Variants in NAT1 observed in about 807,000 individuals in gnomAD.
NAT1 encodes arylamine N-acetyltransferase 1.
For missense variants in NAT1, 400 were observed against 339.2 expected, an observed-to-expected ratio of 1.18 and a Z score of -1.41; for synonymous variants, 144 against 122.6, an observed-to-expected ratio of 1.17 and a Z score of -1.16.
intron 2 of NAT1, among the ~76,000 whole-genome samples, chr8:18,188,559 G>A (rs1381306495): frequency 3.3e-5 from 5 of 151,794 alleles, no homozygotes; most frequent in African/African-American, 1.2e-4. Context: ...TAGGCATGTG[G>A]CATTTGATTA....
At chr8:18,215,253 G>A (rs6990785) in intron 1 of NAT1, among the ~76,000 whole-genome samples, 130,766 of 152,256 alleles carry the variant, frequency 0.86, 56,464 homozygotes, top group African/African-American at 0.93. Context: ...ATTGTGAATA[G>A]TGCCATACAT....
chr8:18,183,457 G>C (rs1044711605), intron 2 of NAT1, among the ~76,000 whole-genome samples: 3 of 152,198 alleles, frequency 2.0e-5, no homozygotes, highest in African/African-American at 7.2e-5. Context: ...CTAAATGGAA[G>C]AAAATTTGCA....
intron 2 of NAT1, chr8:18,200,900 T>C (rs1803432654): frequency 6.6e-6 from 1 of 152,164 alleles, no homozygotes; most frequent in Non-Finnish European, 1.5e-5. Context: ...GGTCTTCCCT[T>C]CAGGGTAAAT....
chr8:18,172,441 C>A (rs1386797779), intron 2 of NAT1, among the ~76,000 whole-genome samples: 1 of 152,182 alleles, frequency 6.6e-6, no homozygotes, highest in Non-Finnish European at 1.5e-5. Flanking sequence ...TTTCTCCATC[C>A]CTGTCCACCA....
rs1047733636 is a variant in NAT1, at chr8:18,178,663, C to T, written n.92+7924C>T. On this transcript the variant is annotated intron_variant and non_coding_transcript_variant, in intron 2 of 4. Transcript: ENST00000517441. Reference sequence around the variant, plus strand: ...GTCACAGATGAATAGAATTGCAAGGCTTTCAGCAAATCCATAATGTGGACA... The same window carrying T: ...GTCACAGATGAATAGAATTGCAAGGTTTTCAGCAAATCCATAATGTGGACA... Among the ~76,000 whole-genome samples, 8 of 152,242 alleles carry T rather than the reference C, an allele frequency of 5.3e-5. No individual in the cohort carries two copies. In the East Asian group the frequency reaches 1.4e-3, roughly 26 times the overall value.
At chr8:18,216,156 T>A (rs1804639568) in intron 1 of NAT1, among the ~76,000 whole-genome samples, 1 of 152,204 alleles carries the variant, frequency 6.6e-6, no homozygotes, top group Non-Finnish European at 1.5e-5. Context: ...CAGATGCTAC[T>A]CTTTTAGCTG....
intron 2 of NAT1, among the ~76,000 whole-genome samples, chr8:18,196,341 C>A (rs1043327355): frequency 1.3e-5 from 2 of 151,950 alleles, no homozygotes; most frequent in African/African-American, 4.8e-5. Context: ...AAGTCTCTTT[C>A]ACCTGAGCCT....
At chr8:18,170,879 C>T (rs1041750722) in intron 2 of NAT1, 4 of 146,896 alleles carry the variant, frequency 2.7e-5, no homozygotes, top group African/African-American at 9.8e-5. Context: ...ACCTTTGTTC[C>T]TTTTTCTCTC....
At chr8:18,185,948 GA>G (rs1413657285) in intron 2 of NAT1, among the ~76,000 whole-genome samples, 6 of 152,032 alleles carry the variant, frequency 3.9e-5, no homozygotes, top group Admixed American at 6.6e-5. Flanking sequence ...CAAATATTTA[GA>G]AAGTTTAAGT....
At position 18,173,154 on chromosome 8, in the gene NAT1, A is replaced by G. The variant is rs951748616; in HGVS notation, n.92+2415A>G. 6.4e-4 allele frequency among the ~76,000 whole-genome samples: 97 copies of G among 151,662 alleles called. 1 individual carries two copies. Among genetic ancestry groups the G allele is most frequent in the African/African-American group, 2.2e-3 (90 of 41,344 alleles). On this transcript the variant is annotated intron_variant and non_coding_transcript_variant, in intron 2 of 4. Coordinates refer to the NAT1 transcript ENST00000517441. ...CACGTGCACACAGAGATGCACACAC[A>G]CACACACACACACACACACACACAA...
upstream of NAT1, among the ~76,000 whole-genome samples, chr8:18,206,639 C>A (rs1309191638): frequency 2.6e-5 from 4 of 152,064 alleles, no homozygotes; most frequent in African/African-American, 9.7e-5. Context: ...CTGTTCATGT[C>A]CTTTGCCCAC....
chr8:18,209,945 C>G (rs908152542), upstream of NAT1: 2 of 152,088 alleles, frequency 1.3e-5, no homozygotes, highest in Admixed American at 1.3e-4. Flanking sequence ...AACTCTCCAC[C>G]CTTTTTTATG....
In NAT1 at chr8:18,210,118, T is replaced by C. The variant is rs1803928957; in HGVS notation, c.-148T>C. The C allele has an allele frequency of 6.6e-6, 1 of 152,248 alleles. No individual in the cohort carries two copies. The highest frequency in any genetic ancestry group is 6.5e-5 in the Admixed American group (1 of 15,280). 9.4% of individuals were successfully genotyped at this position (152,248 alleles called of 1,614,324 possible). A position where few individuals can be genotyped will look rare whatever the true frequency, so the allele number is the denominator to read the frequency against. On this transcript the variant is annotated 5_prime_UTR_variant, in exon 1 of 3. Coordinates refer to ENST00000307719, the MANE Select transcript of NAT1 (RefSeq NM_000662.8). The stretch of plus-strand genomic sequence containing the variant: ...CTTTGGAAGTGAGAGCACTTCCTCA[T>C]AGACCTTGGATGTGGGAGGATTGCA...
At chr8:18,205,900 A>G (rs1344970289), upstream of NAT1, among the ~76,000 whole-genome samples, 2 of 152,088 alleles carry the variant, frequency 1.3e-5, no homozygotes, top group African/African-American at 4.8e-5. Context: ...CTCAGGTTGG[A>G]CTGGCCCTAT....
intron 2 of NAT1, chr8:18,201,073 A>T (rs1244403433): frequency 6.6e-6 from 1 of 152,222 alleles, no homozygotes; most frequent in Non-Finnish European, 1.5e-5. Context: ...GGTTATAAGG[A>T]TGCTCATGAT....
In NAT1 at chr8:18,222,755, C is replaced by T; in HGVS notation, c.708C>T (p.Gly236=). Residue 236 remains glycine, a synonymous_variant, in exon 3 of 3, where the codon GGC becomes GGT. Coordinates refer to ENST00000307719, the MANE Select transcript of NAT1 (RefSeq NM_000662.8). ...CAGATGGGGTTCACTGTTTGGTGGGCTTCACCCTCACCCATAGGAGATTCA... is the reference window on the plus strand; with the variant it reads ...CAGATGGGGTTCACTGTTTGGTGGGTTTCACCCTCACCCATAGGAGATTCA... ...QTPDGVHCLV[G]FTLTHRRFNY... is the part of the protein sequence containing the mutation. 11 of 1,613,796 alleles carry T rather than the reference C, an allele frequency of 6.8e-6. No homozygotes were observed. Among genetic ancestry groups the T allele is most frequent in the South Asian group, 1.1e-5 (1 of 91,006 alleles).
chr8:18,208,048 A>C (rs1803800834), upstream of NAT1, among the ~76,000 whole-genome samples: 2 of 151,776 alleles, frequency 1.3e-5, no homozygotes, highest in Admixed American at 1.3e-4. Context: ...TCTGACTCAT[A>C]AGTGTGAGCT....
At chr8:18,184,612 T>C (rs961632137) in intron 2 of NAT1, among the ~76,000 whole-genome samples, 2 of 152,214 alleles carry the variant, frequency 1.3e-5, no homozygotes, top group Admixed American at 1.3e-4. Flanking sequence ...GCATTTTAAG[T>C]AATGCTATTA....
intron 2 of NAT1, among the ~76,000 whole-genome samples, chr8:18,172,877 C>G (rs182224690): frequency 7.2e-5 from 11 of 152,228 alleles, no homozygotes; most frequent in African/African-American, 2.6e-4. Context: ...TTCAAGGTCA[C>G]CTGCCAGGGA....
Sources: allele counts gnomAD v4.1 joint callset (sites outside exome capture counted in the v4.1 genomes callset), GRCh38; gene constraint gnomAD v4.1.1; transcripts MANE v1.5; gene names NCBI Gene and HGNC (gene_info 2026-07-23, HGNC 2026-07-21).